The following NLGN1 variants were observed in gnomAD, a reference collection of about 807,000 sequenced individuals.
NLGN1 encodes the protein neuroligin-1.
A neutral mutation model predicts 65.5 loss-of-function variants in NLGN1; 12 were observed. That is an observed-to-expected ratio of 0.18 (90% CI 0.12 to 0.30). NLGN1 has a LOEUF of 0.30. Ranked by LOEUF, NLGN1 falls within the 10% of genes least tolerant of loss-of-function variation. NLGN1 has a pLI of 1.00. For missense variants in NLGN1, 750 were observed against 1,007.1 expected (o/e 0.74, Z 3.46); for synonymous variants, 350 against 359.5 (o/e 0.97, Z 0.30).
At chr3:174,070,380 G>T (rs1739558826) in intron 4 of NLGN1, among the ~76,000 whole-genome samples, 1 of 150,496 alleles carries the variant, frequency 6.6e-6, no homozygotes, top group South Asian at 2.1e-4. Context: ...CACCCAGCCT[G>T]TAGTGCAGTA....
At chr3:174,265,455 G>A (rs552469463) in intron 4 of NLGN1, among the ~76,000 whole-genome samples, 5 of 152,050 alleles carry the variant, frequency 3.3e-5, no homozygotes, top group African/African-American at 7.2e-5. Context: ...AGGTGCGTCC[G>A]TCACCCCTTT....
intron 4 of NLGN1, among the ~76,000 whole-genome samples, chr3:174,201,546 G>C (rs1209397416): frequency 7.7e-5 from 1 of 12,986 alleles, no homozygotes; most frequent in South Asian, 1.4e-3. Flanking sequence ...CCCCCTCTCA[G>C]CAATAGGCAG....
chr3:174,185,324 A>G (rs1351944587), intron 4 of NLGN1, among the ~76,000 whole-genome samples: 1 of 152,172 alleles, frequency 6.6e-6, no homozygotes. Context: ...GCAGTGACCA[A>G]CAGAACTTTC....
At chr3:173,810,742 A>G (rs1391797143) in intron 4 of NLGN1, among the ~76,000 whole-genome samples, 1 of 152,242 alleles carries the variant, frequency 6.6e-6, no homozygotes, top group Non-Finnish European at 1.5e-5. Flanking sequence ...GTTAAAAAAA[A>G]TTTGTTTATT....
chr3:174,178,847 C>G (rs1360373913), intron 4 of NLGN1, among the ~76,000 whole-genome samples: 1 of 152,000 alleles, frequency 6.6e-6, no homozygotes, highest in Non-Finnish European at 1.5e-5. Context: ...ACCTTCATTA[C>G]TGAAGTAGAT....
intron 3 of NLGN1, among the ~76,000 whole-genome samples, chr3:173,794,476 C>T (rs747576530): frequency 4.5e-4 from 68 of 152,202 alleles, no homozygotes; most frequent in South Asian, 3.1e-3. Context: ...TAGCTCTAGA[C>T]ATCTAGTGGC....
At chr3:174,270,429 C>T (rs575872358) in intron 4 of NLGN1, among the ~76,000 whole-genome samples, 68 of 151,706 alleles carry the variant, frequency 4.5e-4, no homozygotes, top group African/African-American at 1.5e-3. Flanking sequence ...GTCTTGGCAC[C>T]TTTGTCAAGA....
At chr3:173,613,834 G>A (rs1490581918) in intron 3 of NLGN1, among the ~76,000 whole-genome samples, 1 of 151,854 alleles carries the variant, frequency 6.6e-6, no homozygotes, top group African/African-American at 2.4e-5. Flanking sequence ...AAGCAATGAC[G>A]AAAAGAAAAT....
intron 2 of NLGN1, among the ~76,000 whole-genome samples, chr3:173,481,230 T>C (rs965496820): frequency 3.3e-5 from 5 of 152,038 alleles, no homozygotes; most frequent in African/African-American, 1.2e-4. Context: ...ATTGACAGGA[T>C]TTGGTAATGT....
At chr3:174,190,976 C>A (rs1329322303) in intron 4 of NLGN1, among the ~76,000 whole-genome samples, 1 of 151,952 alleles carries the variant, frequency 6.6e-6, no homozygotes, top group Admixed American at 6.6e-5. Context: ...ACTATTCTCT[C>A]CTCTTTCTAA....
At chr3:173,739,001 T>C (rs932523024) in intron 3 of NLGN1, among the ~76,000 whole-genome samples, 20 of 152,000 alleles carry the variant, frequency 1.3e-4, no homozygotes, top group African/African-American at 4.6e-4. Flanking sequence ...AGACTATTCA[T>C]GGAGGAGGCT....
At chr3:174,142,980 C>T (rs865777557) in intron 4 of NLGN1, among the ~76,000 whole-genome samples, 1 of 152,074 alleles carries the variant, frequency 6.6e-6, no homozygotes, top group Non-Finnish European at 1.5e-5. Flanking sequence ...GCCAGCATGT[C>T]ACATGGCAAG....
At chr3:173,900,790 A>G (rs539769064) in intron 4 of NLGN1, among the ~76,000 whole-genome samples, 1 of 152,170 alleles carries the variant, frequency 6.6e-6, no homozygotes, top group African/African-American at 2.4e-5. Flanking sequence ...GAGTAATCCT[A>G]GAATGACAGT....
At chr3:174,104,358 A>G (rs1047902383) in intron 4 of NLGN1, among the ~76,000 whole-genome samples, 1 of 152,144 alleles carries the variant, frequency 6.6e-6, no homozygotes, top group Non-Finnish European at 1.5e-5. Flanking sequence ...TCACTGGGCT[A>G]TATTTATACT....
chr3:173,599,336 TA>T (rs1381797367), intron 2 of NLGN1, among the ~76,000 whole-genome samples: 1 of 152,160 alleles, frequency 6.6e-6, no homozygotes, highest in Non-Finnish European at 1.5e-5. Flanking sequence ...GGATATGCAT[TA>T]AACTGAATTT....
At chr3:173,415,943 A>AGAGAGAGAGAGCGAGAGC (rs141095727) in intron 1 of NLGN1, among the ~76,000 whole-genome samples, 29 of 142,860 alleles carry the variant, frequency 2.0e-4, no homozygotes, top group African/African-American at 7.3e-4. Flanking sequence ...AGAGAGAGAG[A>AGAGAGAGAGAGCGAGAGC]GCTTGGTATA....
intron 4 of NLGN1, among the ~76,000 whole-genome samples, chr3:174,093,440 G>A (rs1445576537): frequency 6.6e-6 from 1 of 152,194 alleles, no homozygotes; most frequent in African/African-American, 2.4e-5. Flanking sequence ...AGCTGTACAT[G>A]AGCTATGCGT....
chr3:174,030,057 A>G (rs771750647), intron 4 of NLGN1, among the ~76,000 whole-genome samples: 6 of 151,558 alleles, frequency 4.0e-5, no homozygotes, highest in Non-Finnish European at 8.8e-5. Flanking sequence ...TATCAATACA[A>G]TTTTATGGCA....
intron 3 of NLGN1, among the ~76,000 whole-genome samples, chr3:173,658,767 A>G (rs1250259810): frequency 6.6e-6 from 1 of 152,026 alleles, no homozygotes; most frequent in Non-Finnish European, 1.5e-5. Context: ...TTCCAGTGCT[A>G]GAGTACTGCT....
Sources: allele counts gnomAD v4.1 joint callset (sites outside exome capture counted in the v4.1 genomes callset), GRCh38; gene constraint gnomAD v4.1.1; transcripts MANE v1.5; gene names NCBI Gene and HGNC (gene_info 2026-07-23, HGNC 2026-07-21).